Variants in XXYLT1 observed in about 807,000 individuals in gnomAD.
XXYLT1 encodes the protein UDP-xylose:alpha-xyloside alpha-1,3-xylosyltransferase.
Under a neutral mutation model 28.9 loss-of-function variants are expected in XXYLT1, and 20 were observed. That is an observed-to-expected ratio of 0.69 (90% confidence interval 0.49 to 1.00). The LOEUF is 1.00. Ranked by LOEUF, XXYLT1 falls within the 50% of genes least tolerant of loss-of-function variation. The probability of loss-of-function intolerance (pLI) is 0.00; values close to 1 mark genes in which losing one functional copy is unlikely to be tolerated. For missense variants in XXYLT1, 542 were observed against 560.1 expected, an observed-to-expected ratio of 0.97 and a Z score of 0.33; for synonymous variants, 257 against 253.8, an observed-to-expected ratio of 1.01 and a Z score of -0.12.
At chr3:195,174,671 T>C (rs1489751345) in intron 2 of XXYLT1, among the ~76,000 whole-genome samples, 1 of 140,536 alleles carries the variant, frequency 7.1e-6, no homozygotes, top group Non-Finnish European at 1.6e-5. Context: ...CTCCCTCCTT[T>C]CCTTCCCTCC....
At position 195,240,646 on chromosome 3, in the gene XXYLT1, G is replaced by A. The variant is rs1300433774; in HGVS notation, c.505-13790C>T. Among the ~76,000 whole-genome samples the A allele has an allele frequency of 3.3e-5, 5 of 152,202 alleles. No individual in the cohort carries two copies. The highest frequency in any genetic ancestry group is 5.9e-5 in the Non-Finnish European group (4 of 68,030). On this transcript the variant is annotated intron_variant, in intron 1 of 3. Transcript: ENST00000310380. This position sits in a 1 kb window ranked among gnomAD's most constrained non-coding sequence, Gnocchi z 4.7. ...GCCACAGACAGCAACGCCACAGGTC[G>A]GCCGGAGGCCAAGGGTTCACCCATC...
At position 195,256,471 on chromosome 3, in the gene XXYLT1, G is replaced by C; in HGVS notation, c.504+14084C>G. 4.1e-6 allele frequency: 4 copies of C among 985,274 alleles called. No homozygotes were observed. Among genetic ancestry groups the C allele is most frequent in the Non-Finnish European group, 4.8e-6 (4 of 829,806 alleles). The allele number at this position is 985,274 out of a possible 1,614,324, so 61.0% of individuals were successfully genotyped here. ...CCGAGAAACGAACCAGTACCTCCCAGAGGACGGAAGGGAAGTCAGCACGGA... is the reference window on the plus strand; with the variant it reads ...CCGAGAAACGAACCAGTACCTCCCACAGGACGGAAGGGAAGTCAGCACGGA... On this transcript the variant is annotated intron_variant, in intron 1 of 3. Transcript: ENST00000310380. The surrounding 1 kb of genome is among the most constrained non-coding windows in gnomAD (Gnocchi z 4.2).
At position 195,180,829 on chromosome 3, in the gene XXYLT1, G is replaced by T. The variant is rs1419596807; in HGVS notation, c.653-24248C>A. ...AGGCCTGTCCCTAGTCCTGCCTCAG[G>T]ACTTTGCTCGTGAGGGGTCCTCAAG... On this transcript the variant is annotated intron_variant, in intron 2 of 3. Transcript: ENST00000310380. The surrounding 1 kb of genome is among the most constrained non-coding windows in gnomAD (Gnocchi z 5.8). Among the ~76,000 whole-genome samples the T allele has an allele frequency of 6.6e-6, 1 of 152,206 alleles. No individual in the cohort carries two copies. The highest frequency in any genetic ancestry group is 2.4e-5 in the African/African-American group (1 of 41,424).
rs762538075 is a variant in XXYLT1 at position 195,175,699 on chromosome 3, G to A, written c.653-19118C>T. ...GACTAGCTCCTGGCTGATGGACTAT[G>A]AGCAGAAGTGCTGTGTGCAACTCTG... On this transcript the variant is annotated intron_variant, in intron 2 of 3. Coordinates refer to ENST00000310380, the MANE Select transcript of XXYLT1 (RefSeq NM_152531.5). 1.1e-5 allele frequency: 17 copies of A among 1,536,032 alleles called. 1 individual carries two copies. In the South Asian group the frequency reaches 1.9e-4, roughly 17 times the overall value.
At chr3:195,117,305 C>G (rs1375189021) in intron 3 of XXYLT1, among the ~76,000 whole-genome samples, 2 of 152,100 alleles carry the variant, frequency 1.3e-5, no homozygotes, top group Non-Finnish European at 2.9e-5. Flanking sequence ...TGAATGCCAT[C>G]AAAGTAAGAA....
chr3:195,104,140 G>C (rs1424123961), intron 3 of XXYLT1, among the ~76,000 whole-genome samples: 1 of 151,964 alleles, frequency 6.6e-6, no homozygotes, highest in Non-Finnish European at 1.5e-5. Context: ...CTACTGATGA[G>C]TAGAAGCCCT....
intron 1 of XXYLT1, among the ~76,000 whole-genome samples, chr3:195,242,133 C>T (rs145008291): frequency 6.6e-6 from 1 of 152,236 alleles, no homozygotes. Context: ...AGAGGAGGGG[C>T]GATGGGACAA....
At chr3:195,121,076 C>T (rs1165840153) in intron 3 of XXYLT1, among the ~76,000 whole-genome samples, 1 of 152,196 alleles carries the variant, frequency 6.6e-6, no homozygotes, top group East Asian at 1.9e-4. Context: ...CCGTGAGCAC[C>T]CCCATGCTCC....
At chr3:195,228,654 A>T (rs1379757183) in intron 1 of XXYLT1, among the ~76,000 whole-genome samples, 3 of 150,290 alleles carry the variant, frequency 2.0e-5, no homozygotes, top group Admixed American at 2.0e-4. Flanking sequence ...ACCCCCAGCT[A>T]ATTTTTTGTA....
At chr3:195,111,515 T>G (rs1236195136) in intron 3 of XXYLT1, among the ~76,000 whole-genome samples, 3 of 152,090 alleles carry the variant, frequency 2.0e-5, no homozygotes. Flanking sequence ...TGTATCTCTC[T>G]GGCTAGGATG....
At chr3:195,109,637 GGTGTGTGTGGTGTATGTGTGC>G (rs1275675698) in intron 3 of XXYLT1, among the ~76,000 whole-genome samples, 47 of 116,572 alleles carry the variant, frequency 4.0e-4, no homozygotes, top group African/African-American at 1.3e-3. Flanking sequence ...GTGTCTGTGT[GGTGTGTGTGGTGTATGTGTGC>G]GTGTGTGTGG....
intron 2 of XXYLT1, among the ~76,000 whole-genome samples, chr3:195,219,598 T>C (rs1347881180): frequency 6.6e-6 from 1 of 152,198 alleles, no homozygotes; most frequent in Non-Finnish European, 1.5e-5. Flanking sequence ...CCTGCCTCAG[T>C]TCTTTCTCAT....
chr3:195,171,177 C>T (rs1577105516), intron 2 of XXYLT1, among the ~76,000 whole-genome samples: 1 of 152,348 alleles, frequency 6.6e-6, no homozygotes, highest in South Asian at 2.1e-4. Flanking sequence ...GAGCCTGGAC[C>T]GCACGCTTCG....
chr3:195,181,537 T>G (rs1721955150), intron 2 of XXYLT1, among the ~76,000 whole-genome samples: 1 of 152,190 alleles, frequency 6.6e-6, no homozygotes, highest in African/African-American at 2.4e-5. Context: ...ACTGCTTGAG[T>G]GCTTACTGTG....
chr3:195,070,488 C>CAA (rs1231657513), intron 3 of XXYLT1, among the ~76,000 whole-genome samples: 1 of 152,068 alleles, frequency 6.6e-6, no homozygotes, highest in African/African-American at 2.4e-5. Context: ...GGTATTTGCC[C>CAA]AAAGTCACAC....
intron 2 of XXYLT1, among the ~76,000 whole-genome samples, chr3:195,158,307 G>A (rs545125786): frequency 2.6e-5 from 4 of 152,292 alleles, no homozygotes; most frequent in South Asian, 4.1e-4. Flanking sequence ...GGCCACCCGC[G>A]TACCTGTCTC....
chr3:195,197,194 T>A (rs941853173), intron 2 of XXYLT1, among the ~76,000 whole-genome samples: 1 of 152,192 alleles, frequency 6.6e-6, no homozygotes, highest in Non-Finnish European at 1.5e-5. Flanking sequence ...CCCAGCACTT[T>A]GGGAGGCCAA....
chr3:195,091,164 C>A (rs1577014724), intron 3 of XXYLT1, among the ~76,000 whole-genome samples: 1 of 140,114 alleles, frequency 7.1e-6, no homozygotes, highest in African/African-American at 2.8e-5. Flanking sequence ...GGAATCCTCC[C>A]TAACTCATTT....
intron 3 of XXYLT1, among the ~76,000 whole-genome samples, chr3:195,090,089 C>T (rs200580210): frequency 6.6e-6 from 1 of 150,526 alleles, no homozygotes; most frequent in African/African-American, 2.5e-5. Flanking sequence ...GAGACTTTAA[C>T]ACCCCACTGT....
Sources: allele counts gnomAD v4.1 joint callset (sites outside exome capture counted in the v4.1 genomes callset), GRCh38; gene constraint gnomAD v4.1.1; non-coding constraint Gnocchi (gnomAD v3.1); transcripts MANE v1.5; gene names NCBI Gene and HGNC (gene_info 2026-07-23, HGNC 2026-07-21).